Variants in PROCA1 observed in about 807,000 individuals in gnomAD.
PROCA1 encodes the protein protein PROCA1.
In PROCA1, 22 loss-of-function variants were observed where a neutral mutation model predicts 23.2. That is an observed-to-expected ratio of 0.95 (90% CI 0.68 to 1.35). The LOEUF (loss-of-function observed/expected upper bound fraction) is 1.35, where lower values mean the gene tolerates loss of function less well. Among genes scored for constraint, PROCA1 ranks in the 40% most tolerant of loss-of-function variants. PROCA1 has a pLI of 0.00. For synonymous variants in PROCA1, 182 were observed against 179.2 expected, an observed-to-expected ratio of 1.02 and a Z score of -0.12; for missense variants, 469 against 459.8, an observed-to-expected ratio of 1.02 and a Z score of -0.18.
At position 28,704,686 on chromosome 17, in the gene PROCA1, C is replaced by A. The variant is rs889933386; in HGVS notation, c.311+22G>T. 3.1e-6 allele frequency: 5 copies of A among 1,613,044 alleles called. No homozygotes were observed. In the African/African-American group the frequency reaches 5.3e-5, roughly 17 times the overall value. On this transcript the variant is annotated intron_variant, in intron 3 of 4. Coordinates refer to ENST00000682792, the MANE Select transcript of PROCA1 (RefSeq NM_001366301.1). ...TTCGGACCTGGCTCTGCCATGGGTCCCCCAAGGGGGCGGGCCCTCACCTAG... is the reference window on the plus strand; with the variant it reads ...TTCGGACCTGGCTCTGCCATGGGTCACCCAAGGGGGCGGGCCCTCACCTAG...
rs543881952 is a variant in PROCA1 at position 28,704,750 on chromosome 17, C to T, written c.269G>A (p.Ser90Asn). The change falls in exon 3 of 5, where the codon AGC becomes AAC. Residue 90 changes from serine to asparagine, a missense_variant. Transcript: ENST00000682792. ...YPFASDCVRH[S>N]LHLHSVNHCN... ...GTGGTTGACAGAGTGTAGGTGCAGG[C>T]TGTGGCGGACACAGTCAGAGGCGAA... 1 of 1,614,116 alleles carries T rather than the reference C, an allele frequency of 6.2e-7. No homozygotes were observed. Among genetic ancestry groups the T allele is most frequent in the African/African-American group, 1.3e-5 (1 of 75,050 alleles).
rs1268819557 is a variant in PROCA1, at chr17:28,704,118, CCT to C, written c.533_534del (p.Glu178GlyfsTer21). 6.4e-7 allele frequency: 1 copy of C among 1,569,988 alleles called. No individual in the cohort carries two copies. Among genetic ancestry groups the C allele is most frequent in the Non-Finnish European group, 8.6e-7 (1 of 1,163,886 alleles). ...GADDLNEEEE[E>X]EEEESKPPIP... ...ATGGGGGGCTTGCTTTCCTCCTCCT[CCT>C]CTTCCTCTTCTTCATTTAGATCATC... On this transcript the variant is annotated frameshift_variant, in exon 5 of 5. Transcript: ENST00000682792. LOFTEE classifies it low-confidence loss of function (END_TRUNC).
chr17:28,711,517 G>T (rs1416442496), intron 1 of PROCA1, 53 bp downstream of exon 1: 53 of 1,467,366 alleles, frequency 3.6e-5, no homozygotes, highest in Non-Finnish European at 4.5e-5. Context: ...CGCCGCTCGG[G>T]GTCTGCGAGC....
At chr17:28,711,414 C>T in intron 1 of PROCA1, 156 bp downstream of exon 1, 2 of 612,448 alleles carry the variant, frequency 3.3e-6, no homozygotes, top group Non-Finnish European at 5.1e-6. Flanking sequence ...CCTAGCTCCG[C>T]CCCGGCCCTA....
chr17:28,706,629 C>T, intron 2 of PROCA1, 51 bp downstream of exon 2: 1 of 1,246,930 alleles, frequency 8.0e-7, no homozygotes. Flanking sequence ...GTCAGCTTTC[C>T]CAGGTGAGGG....
chr17:28,711,861 G>A lies in PROCA1; in HGVS notation c.-201C>T. On this transcript the variant is annotated 5_prime_UTR_variant, in exon 1 of 5. Transcript: ENST00000682792. ...CAGGCTGCGTAGTCTTCCCAGCTGG[G>A]TCTCAGCGTCAGCCGCGTTCTTCAT... 1 of 501,026 alleles carries A rather than the reference G, an allele frequency of 2.0e-6. No homozygotes were observed. Among genetic ancestry groups the A allele is most frequent in the East Asian group, 3.5e-5 (1 of 28,550 alleles). The allele number at this position is 501,026 out of a possible 1,614,324, so 31.0% of individuals were successfully genotyped here.
In PROCA1 at chr17:28,711,514, C is replaced by A. The variant is rs111975624; in HGVS notation, c.91+56G>T. 6.8e-3 allele frequency: 9,854 copies of A among 1,451,778 alleles called. 526 individuals are homozygous for A. The African/African-American group carries it at 0.12, about 18-fold the overall frequency. The allele number at this position is 1,451,778 out of a possible 1,614,324, so 89.9% of individuals were successfully genotyped here. A position where few individuals can be genotyped will look rare whatever the true frequency, so the allele number is the denominator to read the frequency against. On this transcript the variant is annotated intron_variant, in intron 1 of 4. Transcript: ENST00000682792. ...TTGCCGGCTTCCCGCGTGCGCCGCT[C>A]GGGGTCTGCGAGCCGGGCCGCGCCC...
chr17:28,703,761 C>G lies in PROCA1; in HGVS notation c.892G>C (p.Glu298Gln), dbSNP rs751617318. 4.3e-6 allele frequency: 7 copies of G among 1,614,112 alleles called. No individual in the cohort carries two copies. The highest frequency in any genetic ancestry group is 5.9e-6 in the Non-Finnish European group (7 of 1,180,024). The change falls in exon 5 of 5, where the codon GAA (glutamate) becomes CAA (glutamine). Residue 298 changes from glutamate to glutamine, a missense_variant. Glu to Gln is a conservative substitution (Grantham distance 29). Transcript: ENST00000682792. ...QLARMSESSP[E>Q]SREELESEDS... ...TCGCTCTCCAGCTCTTCCCGGCTTT[C>G]TGGGCTGGACTCGGACATCCTGGCC...
At chr17:28,707,393 A>C (rs1341358022) in intron 1 of PROCA1, 1 of 152,428 alleles carries the variant, frequency 6.6e-6, no homozygotes, top group Non-Finnish European at 1.5e-5. Flanking sequence ...TCCTCCTATA[A>C]GTCTCTGGTC....
intron 3 of PROCA1, 132 bp from the exon 4 acceptor site, chr17:28,704,567 C>T: frequency 6.5e-7 from 1 of 1,548,638 alleles, no homozygotes; most frequent in East Asian, 2.3e-5. Context: ...TCTCTTAGAG[C>T]AGAGCAAGGT....
chr17:28,711,516 G>C, intron 1 of PROCA1, 54 bp downstream of exon 1: 1 of 1,465,040 alleles, frequency 6.8e-7, no homozygotes, highest in Non-Finnish European at 9.2e-7. Flanking sequence ...GCGCCGCTCG[G>C]GGTCTGCGAG....
intron 1 of PROCA1, among the ~76,000 whole-genome samples, chr17:28,708,934 C>T (rs1017004826): frequency 2.6e-5 from 4 of 152,110 alleles, no homozygotes; most frequent in South Asian, 4.2e-4. Context: ...AGATCGAGGC[C>T]GCAGTGAGCC....
rs2032297556 is a variant in PROCA1, at chr17:28,704,094, TG to T, written c.558del (p.Ile187SerfsTer14). The T allele has an allele frequency of 1.9e-6, 3 of 1,586,610 alleles. No homozygotes were observed. The highest frequency in any genetic ancestry group is 2.2e-5 in the East Asian group (1 of 44,646). ...GTGGCGGGCCCCACCTGTGTCGGGA[TG>T]GGGGGCTTGCTTTCCTCCTCCTCCT... ...EEEEEEESKP[P>X]IPTQVGPATA... On this transcript the variant is annotated frameshift_variant, in exon 5 of 5. Transcript: ENST00000682792. LOFTEE classifies it high-confidence loss of function.
intron 1 of PROCA1, chr17:28,711,256 T>A: frequency 1.4e-6 from 1 of 717,842 alleles, no homozygotes; most frequent in South Asian, 2.4e-5. Context: ...GGCAGCGGCC[T>A]GCGCCCGGTG....
rs746751574 is a variant in PROCA1 at position 28,704,843 on chromosome 17, C to T, written c.176G>A (p.Gly59Asp). Residue 59 changes from glycine to aspartate, a missense_variant and splice_region_variant, in exon 3 of 5, where the codon GGT becomes GAT. Transcript: ENST00000682792. ...SSTDVSTFSE[G>D]DCKEPDKCCW... is the part of the protein sequence containing the mutation. ...GCACTTGTCAGGCTCCTTGCAGTCA[C>T]CTGAGGGGGCAGGAGTCTGGGTCAT... 3 of 1,612,078 alleles carry T rather than the reference C, an allele frequency of 1.9e-6. No individual in the cohort carries two copies. The highest frequency in any genetic ancestry group is 1.7e-5 in the Admixed American group (1 of 59,984).
At position 28,711,671 on chromosome 17, in the gene PROCA1, C is replaced by G. The variant is rs2032794063; in HGVS notation, c.-11G>C. ...CGTCCTGACCCACATCGCTCTCCGC[C>G]CAGGTCTTCGTCTCTACAGGACTCT... On this transcript the variant is annotated 5_prime_UTR_variant, in exon 1 of 5. Coordinates refer to ENST00000682792, the MANE Select transcript of PROCA1 (RefSeq NM_001366301.1). The G allele has an allele frequency of 6.2e-7, 1 of 1,611,440 alleles. No individual in the cohort carries two copies. The highest frequency in any genetic ancestry group is 1.1e-5 in the South Asian group (1 of 90,944).
At chr17:28,706,952 GAGAGGGGGA>G (rs2032538291) in intron 1 of PROCA1, 189 bp from the exon 2 acceptor site, 3 of 135,880 alleles carry the variant, frequency 2.2e-5, no homozygotes, top group South Asian at 4.7e-5. Context: ...AGGGGGAGGG[GAGAGGGGGA>G]GGGGAGAGGG....
At chr17:28,706,790 G>A in intron 1 of PROCA1, 27 bp from the exon 2 acceptor site, 2 of 1,302,646 alleles carry the variant, frequency 1.5e-6, no homozygotes, top group South Asian at 2.5e-5. Context: ...TGGCAGTGGT[G>A]GCAGCAGCCC....
In PROCA1 at chr17:28,711,886, T is replaced by G. The variant is rs1162710990; in HGVS notation, c.-226A>C. ...GTCTCAGCGTCAGCCGCGTTCTTCATCCGGGGCCTCCGGCGCCTCCCAGGC... is the reference window on the plus strand; with the variant it reads ...GTCTCAGCGTCAGCCGCGTTCTTCAGCCGGGGCCTCCGGCGCCTCCCAGGC... On this transcript the variant is annotated 5_prime_UTR_variant, in exon 1 of 5. It removes an upstream start codon present in the reference 5' UTR. Coordinates refer to ENST00000682792, the MANE Select transcript of PROCA1 (RefSeq NM_001366301.1). 2.1e-6 allele frequency: 1 copy of G among 479,136 alleles called. No individual in the cohort carries two copies. Among genetic ancestry groups the G allele is most frequent in the African/African-American group, 2.0e-5 (1 of 49,040 alleles). 29.7% of individuals were successfully genotyped at this position (479,136 alleles called of 1,614,324 possible).
Sources: allele counts gnomAD v4.1 joint callset (sites outside exome capture counted in the v4.1 genomes callset), GRCh38; gene constraint gnomAD v4.1.1; transcripts MANE v1.5; gene names NCBI Gene and HGNC (gene_info 2026-07-23, HGNC 2026-07-21).